Variants in MYO5A observed in about 807,000 individuals in gnomAD.
MYO5A encodes myosin VA, also known as unconventional myosin-Va.
In MYO5A, 98 loss-of-function variants were observed where a neutral mutation model predicts 249.7. That is an observed-to-expected ratio of 0.39 (90% CI 0.33 to 0.46). The LOEUF (loss-of-function observed/expected upper bound fraction) is 0.46. MYO5A is among the 20% of genes least tolerant of loss of function. MYO5A has a pLI of 0.98. For synonymous variants in MYO5A, 778 were observed against 810.6 expected (o/e 0.96, Z 0.68); for missense variants, 1,696 against 2,308.8 (o/e 0.73, Z 5.44).
intron 6 of MYO5A, among the ~76,000 whole-genome samples, chr15:52,409,848 T>C (rs17542052): frequency 2.1e-5 from 1 of 47,308 alleles, no homozygotes; most frequent in Non-Finnish European, 1.1e-4. Flanking sequence ...GCATCAACTG[T>C]TTTTTTGATA....
chr15:52,324,013 A>G (rs1282540449), intron 36 of MYO5A: 1 of 115,762 alleles, frequency 8.6e-6, no homozygotes, highest in African/African-American at 5.5e-5. Context: ...AAAAAAAAAA[A>G]AAAAAAAAAA....
intron 1 of MYO5A, among the ~76,000 whole-genome samples, chr15:52,481,049 C>G (rs1444462281): frequency 6.6e-6 from 1 of 152,182 alleles, no homozygotes; most frequent in Non-Finnish European, 1.5e-5. Flanking sequence ...CTGGACCACA[C>G]TATATGTAGG....
At chr15:52,401,463 T>C (rs1035749882) in intron 9 of MYO5A, among the ~76,000 whole-genome samples, 3 of 152,212 alleles carry the variant, frequency 2.0e-5, no homozygotes, top group Admixed American at 2.0e-4. Flanking sequence ...CTTAATAGTT[T>C]CCACTCTAAG....
intron 1 of MYO5A, among the ~76,000 whole-genome samples, chr15:52,446,871 C>A (rs1475111131): frequency 2.0e-5 from 3 of 152,204 alleles, no homozygotes; most frequent in Non-Finnish European, 4.4e-5. Context: ...TGGCCAATTT[C>A]TCCCTTTTGG....
chr15:52,410,984 T>A (rs2444014), intron 5 of MYO5A, among the ~76,000 whole-genome samples: 8,184 of 152,306 alleles, frequency 0.054, 285 homozygotes, highest in South Asian at 0.14. Context: ...TTATTTGTCT[T>A]GTTATTCTCA....
intron 1 of MYO5A, among the ~76,000 whole-genome samples, chr15:52,500,410 G>A (rs921098350): frequency 6.8e-6 from 1 of 146,574 alleles, no homozygotes; most frequent in Non-Finnish European, 1.5e-5. Flanking sequence ...GCAATAGCAC[G>A]ATCTCAGCTC....
Position 52,487,518 on chromosome 15 carries a change from G to C in MYO5A, c.27+41262C>G, listed in dbSNP as rs144035161. ...GCAAGTAGATCACCTGAGGTCAGGAGTTCAAGACCAGCTTGGACCACATGG... is the reference window on the plus strand; with the variant it reads ...GCAAGTAGATCACCTGAGGTCAGGACTTCAAGACCAGCTTGGACCACATGG... On this transcript the variant is annotated intron_variant, in intron 1 of 41. Transcript: ENST00000399233. Among the ~76,000 whole-genome samples the C allele has an allele frequency of 4.5e-4, 68 of 152,202 alleles. 1 individual carries two copies. The East Asian group carries it at 7.1e-3, about 16-fold the overall frequency.
At chr15:52,473,650 G>T (rs1309562533) in intron 1 of MYO5A, among the ~76,000 whole-genome samples, 1 of 152,170 alleles carries the variant, frequency 6.6e-6, no homozygotes, top group Admixed American at 6.6e-5. Flanking sequence ...ATTAAACAAG[G>T]AATCCTTTCC....
rs1555386579 is a variant in MYO5A at position 52,504,054 on chromosome 15, C to CTCTTT, written c.27+24725_27+24726insAAAGA. Among the ~76,000 whole-genome samples the CTCTTT allele has an allele frequency of 1.6e-5, 2 of 122,994 alleles. 1 individual carries two copies. The highest frequency in any genetic ancestry group is 6.1e-5 in the African/African-American group (2 of 32,822). The allele number at this position is 122,994 out of a possible 152,430, so 80.7% of individuals were successfully genotyped here. On this transcript the variant is annotated intron_variant, in intron 1 of 41. Coordinates refer to ENST00000399233, the MANE Select transcript of MYO5A (RefSeq NM_001382347.1). ...AAGGCTGTTGCTGCTGTTTCTCCTT[C>CTCTTT]TTTTTTTTTTTTTTTTTTTGCCTTT...
chr15:52,354,515 G>A (rs2040112541), intron 25 of MYO5A, among the ~76,000 whole-genome samples: 1 of 152,172 alleles, frequency 6.6e-6, no homozygotes, highest in Non-Finnish European at 1.5e-5. Flanking sequence ...AGTTGCTTAA[G>A]TAAATTATGG....
At chr15:52,368,967 A>G (rs887958319) in intron 22 of MYO5A, among the ~76,000 whole-genome samples, 2 of 152,230 alleles carry the variant, frequency 1.3e-5, no homozygotes, top group Non-Finnish European at 2.9e-5. Context: ...AAGGGAAGAA[A>G]AGAGATCTTA....
rs930199993 is a variant in MYO5A at position 52,448,785 on chromosome 15, T to A, written c.28-15500A>T. On this transcript the variant is annotated intron_variant, in intron 1 of 41. Coordinates refer to ENST00000399233, the MANE Select transcript of MYO5A (RefSeq NM_001382347.1). ...CACCTCCCACCCTCTCTTGTCCTCA[T>A]GCTCCAGCTGTGCCTGCTTCCCTTA... is the stretch of plus-strand genomic sequence containing the variant. 7.9e-5 allele frequency among the ~76,000 whole-genome samples: 12 copies of A among 152,080 alleles called. 1 individual carries two copies. The highest frequency in any genetic ancestry group is 7.2e-4 in the Admixed American group (11 of 15,256).
In MYO5A at chr15:52,460,239, C is replaced by T. The variant is rs372601164; in HGVS notation, c.28-26954G>A. On this transcript the variant is annotated intron_variant, in intron 1 of 41. Transcript: ENST00000399233. ...GCCGAGACGCTCCTCACTTCCTATACGGGGTGGCGGCCGGGCAGAGGCTGC... is the reference window on the plus strand; with the variant it reads ...GCCGAGACGCTCCTCACTTCCTATATGGGGTGGCGGCCGGGCAGAGGCTGC... 4.6e-4 allele frequency among the ~76,000 whole-genome samples: 70 copies of T among 152,174 alleles called. No individual in the cohort carries two copies. The South Asian group carries it at 5.4e-3, about 12-fold the overall frequency.
At chr15:52,506,716 T>A (rs1173620060) in intron 1 of MYO5A, among the ~76,000 whole-genome samples, 3 of 151,858 alleles carry the variant, frequency 2.0e-5, no homozygotes, top group African/African-American at 4.8e-5. Flanking sequence ...GCACCTGTAA[T>A]CCCAGATACA....
chr15:52,422,414 A>C (rs940582044), intron 4 of MYO5A, among the ~76,000 whole-genome samples: 5 of 152,060 alleles, frequency 3.3e-5, no homozygotes, highest in Admixed American at 6.6e-5. Context: ...CCCACCCTAC[A>C]ACACACACAA....
At chr15:52,426,109 G>A in intron 3 of MYO5A, 135 bp from the exon 4 acceptor site, 1 of 801,762 alleles carries the variant, frequency 1.2e-6, no homozygotes, top group East Asian at 2.7e-5. Context: ...CCAATAAATT[G>A]TTCAAGGATC....
At chr15:52,375,544 T>C (rs2041366870) in intron 19 of MYO5A, 84 bp from the exon 20 acceptor site, 12 of 1,426,920 alleles carry the variant, frequency 8.4e-6, no homozygotes, top group Non-Finnish European at 1.2e-5. Flanking sequence ...AGAGTGTCAC[T>C]GTTTTAGGCA....
At chr15:52,425,350 T>C (rs939500402) in intron 4 of MYO5A, among the ~76,000 whole-genome samples, 4 of 151,438 alleles carry the variant, frequency 2.6e-5, no homozygotes, top group African/African-American at 9.7e-5. Flanking sequence ...TGTGAGGGGT[T>C]TGTTTGTTTG....
chr15:52,461,931 A>T (rs1321263743), intron 1 of MYO5A, among the ~76,000 whole-genome samples: 2 of 148,880 alleles, frequency 1.3e-5, no homozygotes, highest in Admixed American at 1.4e-4. Flanking sequence ...ACTGTACTCT[A>T]GCCAGCCTGG....
Sources: gnomAD v4.1 joint callset for allele counts (sites outside exome capture counted in the v4.1 genomes callset) on GRCh38, gnomAD v4.1.1 for gene constraint, MANE v1.5 for transcripts, NCBI Gene and HGNC (gene_info 2026-07-23, HGNC 2026-07-21) for gene names.